SLC25A13: variants seen among roughly 807,000 people sequenced by gnomAD.
The protein encoded by SLC25A13 is electrogenic aspartate/glutamate antiporter SLC25A13, mitochondrial.
Under a neutral mutation model 85.5 loss-of-function variants are expected in SLC25A13, and 70 were observed. The ratio of observed to expected loss-of-function variants is 0.82; its 90% CI spans 0.68 to 1.00. The LOEUF is 1.00. SLC25A13 is among the 50% of genes least tolerant of loss of function. The pLI is 0.00. For synonymous variants in SLC25A13, 259 were observed against 288.7 expected (o/e 0.90, Z 1.04); for missense variants, 765 against 819.8 (o/e 0.93, Z 0.82).
At chr7:96,263,164 T>C (rs1221080364) in intron 3 of SLC25A13, among the ~76,000 whole-genome samples, 1 of 152,010 alleles carries the variant, frequency 6.6e-6, no homozygotes, top group African/African-American at 2.4e-5. Flanking sequence ...GCAGGCACAA[T>C]CTGGAGTCTA....
intron 1 of SLC25A13, among the ~76,000 whole-genome samples, chr7:96,312,319 G>A (rs1217130389): frequency 6.6e-6 from 1 of 152,144 alleles, no homozygotes; most frequent in Non-Finnish European, 1.5e-5. Flanking sequence ...CATGTCATAG[G>A]ATTGTTATGA....
chr7:96,184,340 T>C lies in SLC25A13; in HGVS notation c.1114A>G (p.Lys372Glu). The C allele has an allele frequency of 6.2e-7, 1 of 1,614,192 alleles. No homozygotes were observed. The highest frequency in any genetic ancestry group is 1.1e-5 in the South Asian group (1 of 91,086). The change falls in exon 11 of 18, where the codon AAA (lysine) becomes GAA (glutamate). Residue 372 changes from lysine (K) to glutamate (E), a missense_variant. Physicochemically the swap from Lys to Glu is moderately conservative, Grantham distance 56 (BLOSUM62 1). Coordinates refer to ENST00000265631, the MANE Select transcript of SLC25A13 (RefSeq NM_014251.3). ...TGSFVGELMY[K>E]NSFDCFKKVL... Reference sequence around the variant, plus strand: ...TTCTTAAAACAGTCAAAGCTGTTTTTATACATGAGTTCTCCCACAAAAGAG... The same window carrying C: ...TTCTTAAAACAGTCAAAGCTGTTTTCATACATGAGTTCTCCCACAAAAGAG...
chr7:96,272,774 G>C (rs1421270839), intron 3 of SLC25A13, among the ~76,000 whole-genome samples: 1 of 152,158 alleles, frequency 6.6e-6, no homozygotes, highest in African/African-American at 2.4e-5. Context: ...ACAAAGAAAA[G>C]GGGGAAGAGG....
intron 4 of SLC25A13, among the ~76,000 whole-genome samples, chr7:96,222,299 G>A (rs1796161622): frequency 6.6e-6 from 1 of 152,216 alleles, no homozygotes; most frequent in Admixed American, 6.5e-5. Flanking sequence ...CTAACTGGCA[G>A]AGCTGCAGTG....
chr7:96,123,641 A>T (rs1259631821), intron 15 of SLC25A13, among the ~76,000 whole-genome samples: 2 of 152,158 alleles, frequency 1.3e-5, no homozygotes, highest in Non-Finnish European at 2.9e-5. Flanking sequence ...CATCATCTCC[A>T]TTGTCAGCTC....
chr7:96,242,621 T>G (rs1797037091), intron 3 of SLC25A13, among the ~76,000 whole-genome samples: 1 of 152,200 alleles, frequency 6.6e-6, no homozygotes, highest in African/African-American at 2.4e-5. Flanking sequence ...ATCTGTACAA[T>G]GAACACTTTG....
At position 96,193,080 on chromosome 7, in the gene SLC25A13, C is replaced by T. The variant is rs376257669; in HGVS notation, c.572G>A (p.Arg191His). ...TACAAAAGGAGTCAAGACATGGGGGCGGATGGTGACCATGATGTCTCGGAA... is the reference window on the plus strand; with the variant it reads ...TACAAAAGGAGTCAAGACATGGGGGTGGATGGTGACCATGATGTCTCGGAA... ...IDFRDIMVTI[R>H]PHVLTPFVEE... Residue 191 changes from arginine (R) to histidine (H), a missense_variant, in exon 6 of 18, where the codon CGC becomes CAC. Arg to His is a conservative substitution (Grantham distance 29). Transcript: ENST00000265631. 2 of 1,613,992 alleles carry T rather than the reference C, an allele frequency of 1.2e-6. No individual in the cohort carries two copies.
At chr7:96,142,246 A>G (rs987019308) in intron 14 of SLC25A13, among the ~76,000 whole-genome samples, 1 of 151,800 alleles carries the variant, frequency 6.6e-6, no homozygotes, top group Non-Finnish European at 1.5e-5. Context: ...GAGTACCTGA[A>G]AGGAAGCTTT....
At chr7:96,216,686 G>A (rs1412950966) in intron 4 of SLC25A13, among the ~76,000 whole-genome samples, 3 of 152,178 alleles carry the variant, frequency 2.0e-5, no homozygotes, top group African/African-American at 7.2e-5. Context: ...CTTTAAGTGG[G>A]AGCTAAATGG....
At chr7:96,222,864 A>G (rs1453441576) in intron 4 of SLC25A13, among the ~76,000 whole-genome samples, 2 of 152,148 alleles carry the variant, frequency 1.3e-5, no homozygotes, top group African/African-American at 4.8e-5. Context: ...GTTTCTTCAT[A>G]TATCCAAAAC....
intron 1 of SLC25A13, among the ~76,000 whole-genome samples, chr7:96,298,509 C>T (rs1323446994): frequency 6.6e-6 from 1 of 152,084 alleles, no homozygotes; most frequent in African/African-American, 2.4e-5. Flanking sequence ...TCTTAGCTCA[C>T]TGCAACCTCA....
At chr7:96,171,617 T>C in intron 11 of SLC25A13, 93 bp from the exon 12 acceptor site, 1 of 1,085,322 alleles carries the variant, frequency 9.2e-7, no homozygotes, top group East Asian at 2.6e-5. Context: ...ACTTAAAAAC[T>C]GCTTAATCTC....
In SLC25A13 at chr7:96,244,590, C is replaced by G. The variant is rs530188891; in HGVS notation, c.213-9673G>C. Among the ~76,000 whole-genome samples, 3 of 152,226 alleles carry G rather than the reference C, an allele frequency of 2.0e-5. No homozygotes were observed. In the East Asian group the frequency reaches 5.8e-4, roughly 30 times the overall value. On this transcript the variant is annotated intron_variant, in intron 3 of 17. Coordinates refer to ENST00000265631, the MANE Select transcript of SLC25A13 (RefSeq NM_014251.3). ...CTTGTTCCATAAAAGGTGCTTTTCT[C>G]GGATGCCTTTCATTCTAAAATCCTG...
intron 2 of SLC25A13, among the ~76,000 whole-genome samples, chr7:96,280,750 T>C (rs1225942133): frequency 1.3e-5 from 2 of 151,888 alleles, no homozygotes; most frequent in Non-Finnish European, 2.9e-5. Context: ...TGCAATACCA[T>C]GCCATACCCC....
intron 13 of SLC25A13, among the ~76,000 whole-genome samples, chr7:96,163,053 A>G (rs1490375959): frequency 6.6e-6 from 1 of 152,198 alleles, no homozygotes; most frequent in Non-Finnish European, 1.5e-5. Flanking sequence ...TTCCCAGCCC[A>G]CAACACAGCT....
At chr7:96,251,914 G>A (rs1797443094) in intron 3 of SLC25A13, among the ~76,000 whole-genome samples, 1 of 152,200 alleles carries the variant, frequency 6.6e-6, no homozygotes, top group Admixed American at 6.5e-5. Flanking sequence ...CCAACCTGAT[G>A]AGTCTTTACT....
At chr7:96,137,978 AC>A (rs376576971) in intron 14 of SLC25A13, among the ~76,000 whole-genome samples, 206 of 152,322 alleles carry the variant, frequency 1.4e-3, no homozygotes, top group African/African-American at 4.8e-3. Context: ...ACAAGACTAA[AC>A]ATTTACCACT....
At chr7:96,236,107 A>T (rs1445971642) in intron 3 of SLC25A13, among the ~76,000 whole-genome samples, 1 of 152,200 alleles carries the variant, frequency 6.6e-6, no homozygotes, top group Non-Finnish European at 1.5e-5. Context: ...TTACAAAGTG[A>T]ACTTAGCTGT....
chr7:96,240,980 A>AGGG (rs1796950331), intron 3 of SLC25A13, among the ~76,000 whole-genome samples: 1 of 14,598 alleles, frequency 6.9e-5, no homozygotes, highest in African/African-American at 2.5e-4. Context: ...AAAGGAGAGG[A>AGGG]GAGGGGAGGG....
Sources: allele counts gnomAD v4.1 joint callset (sites outside exome capture counted in the v4.1 genomes callset), GRCh38; gene constraint gnomAD v4.1.1; transcripts MANE v1.5; gene names NCBI Gene and HGNC (gene_info 2026-07-23, HGNC 2026-07-21).